The following HIVEP3 variants were observed in gnomAD, a reference collection of about 807,000 sequenced individuals.
The protein encoded by HIVEP3 is HIVEP zinc finger 3.
Under a neutral mutation model 152.8 loss-of-function variants are expected in HIVEP3, and 49 were observed. That is an observed-to-expected ratio of 0.32 (90% CI 0.26 to 0.41). The LOEUF (loss-of-function observed/expected upper bound fraction) is 0.41. HIVEP3 is among the 10% of genes least tolerant of loss of function. The probability of loss-of-function intolerance (pLI) is 1.00; values close to 1 mark genes in which losing one functional copy is unlikely to be tolerated. For synonymous variants in HIVEP3, 1,269 were observed against 1,289.0 expected (o/e 0.98, Z 0.33); for missense variants, 2,790 against 3,103.3 (o/e 0.90, Z 2.40).
At chr1:41,846,266 A>C (rs577953915) in intron 1 of HIVEP3, among the ~76,000 whole-genome samples, 13 of 152,306 alleles carry the variant, frequency 8.5e-5, no homozygotes, top group African/African-American at 3.1e-4. Flanking sequence ...TGTGCATGTT[A>C]CTTTTACAAT....
intron 1 of HIVEP3, among the ~76,000 whole-genome samples, chr1:42,005,279 G>C (rs932404198): frequency 6.6e-6 from 1 of 152,154 alleles, no homozygotes; most frequent in Non-Finnish European, 1.5e-5. Flanking sequence ...GCAAGTTGCT[G>C]TCATGGCAGT....
At chr1:41,536,143 C>T (rs536691547) in intron 5 of HIVEP3, among the ~76,000 whole-genome samples, 22 of 152,158 alleles carry the variant, frequency 1.4e-4, no homozygotes, top group Admixed American at 7.9e-4. Flanking sequence ...TTGTTGTTCC[C>T]GGACTCTGAA....
intron 1 of HIVEP3, among the ~76,000 whole-genome samples, chr1:41,722,668 C>T (rs1450699570): frequency 6.6e-6 from 1 of 151,944 alleles, no homozygotes; most frequent in Non-Finnish European, 1.5e-5. Context: ...TCTGTGGGCA[C>T]TCACAGTCTA....
chr1:41,527,632 TCCA>T (rs1282395426), intron 5 of HIVEP3, among the ~76,000 whole-genome samples: 3 of 98,796 alleles, frequency 3.0e-5, no homozygotes, highest in Non-Finnish European at 6.1e-5. Context: ...ACACTCGCAC[TCCA>T]CATCCCCACC....
At chr1:41,829,181 A>G (rs1642890102) in intron 1 of HIVEP3, among the ~76,000 whole-genome samples, 1 of 152,220 alleles carries the variant, frequency 6.6e-6, no homozygotes, top group Non-Finnish European at 1.5e-5. Context: ...TTCCATGGAA[A>G]CAATACCCAC....
chr1:41,863,023 C>A (rs1458681501), intron 1 of HIVEP3, among the ~76,000 whole-genome samples: 1 of 152,228 alleles, frequency 6.6e-6, no homozygotes, highest in Non-Finnish European at 1.5e-5. Flanking sequence ...CTTGAACAGT[C>A]TCAAATGCAC....
At chr1:41,975,524 C>T (rs2124506745) in intron 1 of HIVEP3, among the ~76,000 whole-genome samples, 1 of 152,332 alleles carries the variant, frequency 6.6e-6, no homozygotes, top group African/African-American at 2.4e-5. Flanking sequence ...CTGTGACTCT[C>T]AACACACACT....
At chr1:42,026,826 C>T (rs1327089611) in intron 1 of HIVEP3, among the ~76,000 whole-genome samples, 1 of 152,214 alleles carries the variant, frequency 6.6e-6, no homozygotes, top group Non-Finnish European at 1.5e-5. Context: ...GTTCCCAAAA[C>T]TATTGCAAGC....
chr1:41,720,735 G>C (rs1015248222), intron 1 of HIVEP3, among the ~76,000 whole-genome samples: 17 of 152,202 alleles, frequency 1.1e-4, no homozygotes, highest in African/African-American at 4.1e-4. Context: ...ATCTCAAAGA[G>C]ATATTTGCAC....
chr1:41,553,624 G>C (rs1401075960), intron 5 of HIVEP3, among the ~76,000 whole-genome samples: 2 of 152,192 alleles, frequency 1.3e-5, no homozygotes. Flanking sequence ...GCATGTTTTT[G>C]CAGTGGCTGG....
chr1:41,816,402 T>G (rs1651267031), intron 1 of HIVEP3, among the ~76,000 whole-genome samples: 1 of 152,164 alleles, frequency 6.6e-6, no homozygotes, highest in Non-Finnish European at 1.5e-5. Flanking sequence ...AGGCATCTGT[T>G]ACGGCTGGGT....
chr1:41,941,380 GCA>G (rs1645045378), intron 1 of HIVEP3, among the ~76,000 whole-genome samples: 1 of 152,188 alleles, frequency 6.6e-6, no homozygotes, highest in Admixed American at 6.5e-5. Context: ...TAGAATCCAG[GCA>G]CACATAGGAA....
chr1:41,856,083 A>T (rs1476689612), intron 1 of HIVEP3, among the ~76,000 whole-genome samples: 1 of 152,242 alleles, frequency 6.6e-6, no homozygotes, highest in Non-Finnish European at 1.5e-5. Context: ...AGAATACCAG[A>T]GCATGGGAAT....
chr1:41,513,008 T>A lies in HIVEP3; in HGVS notation c.6213A>T (p.Arg2071Ser). 6.2e-7 allele frequency: 1 copy of A among 1,613,428 alleles called. No homozygotes were observed. The highest frequency in any genetic ancestry group is 2.2e-5 in the East Asian group (1 of 44,860). Reference sequence around the variant, plus strand: ...GTGACTCGGCCTGACCTGGAGACCATCTCCTGGTGGGCGAGTATCTGGGGA... The same window carrying A: ...GTGACTCGGCCTGACCTGGAGACCAACTCCTGGTGGGCGAGTATCTGGGGA... ...PGLPRYSPTR[R>S]WSPGQAESPP... Residue 2071 changes from arginine to serine, a missense_variant, in exon 8 of 9, where the codon AGA becomes AGT. Arg to Ser is a moderately radical substitution (Grantham distance 110). Around this residue, in one of 9 missense-constraint regions of HIVEP3, gnomAD observed 816 missense variants for 806.5 expected, o/e 1.01. Transcript: ENST00000372583.
intron 6 of HIVEP3, among the ~76,000 whole-genome samples, chr1:41,520,474 C>A (rs544901324): frequency 6.6e-6 from 1 of 152,314 alleles, no homozygotes; most frequent in East Asian, 1.9e-4. Flanking sequence ...CTTCGGCCCT[C>A]ATTGTCATGA....
At chr1:41,648,220 C>T (rs1645490575) in intron 2 of HIVEP3, among the ~76,000 whole-genome samples, 1 of 152,354 alleles carries the variant, frequency 6.6e-6, no homozygotes, top group East Asian at 1.9e-4. Context: ...AAATGTCCTC[C>T]ACGACTGTTT....
intron 1 of HIVEP3, among the ~76,000 whole-genome samples, chr1:41,960,952 A>G (rs1465166141): frequency 6.6e-6 from 1 of 152,144 alleles, no homozygotes; most frequent in Non-Finnish European, 1.5e-5. Context: ...CATCCCATGG[A>G]GAGTTGGGAT....
intron 5 of HIVEP3, 129 bp from the exon 6 acceptor site, chr1:41,525,039 C>A: frequency 1.2e-6 from 1 of 836,696 alleles, no homozygotes; most frequent in Non-Finnish European, 1.9e-6. Context: ...GCCACGGAAC[C>A]AGAGAGGACC....
intron 1 of HIVEP3, among the ~76,000 whole-genome samples, chr1:41,943,696 G>C (rs1480770904): frequency 6.6e-6 from 1 of 152,216 alleles, no homozygotes; most frequent in Admixed American, 6.5e-5. Flanking sequence ...AGTGTCTAGA[G>C]TTATTACCAG....
Sources: allele counts gnomAD v4.1 joint callset (sites outside exome capture counted in the v4.1 genomes callset), GRCh38; gene constraint gnomAD v4.1.1; regional missense constraint gnomAD v4.1.1; transcripts MANE v1.5; gene names NCBI Gene and HGNC (gene_info 2026-07-23, HGNC 2026-07-21).